CCDC69: variants seen among roughly 807,000 people sequenced by gnomAD.
CCDC69 encodes coiled-coil domain containing 69.
Under a neutral mutation model 40.3 loss-of-function variants are expected in CCDC69, and 38 were observed. The observed-to-expected ratio is 0.94, with a 90% CI of 0.73 to 1.24. The LOEUF is 1.24. CCDC69 is among the 50% of genes most tolerant of loss of function. CCDC69 has a pLI of 0.00. For missense variants in CCDC69, 389 were observed against 357.9 expected, an observed-to-expected ratio of 1.09 and a Z score of -0.70; for synonymous variants, 141 against 138.9, an observed-to-expected ratio of 1.02 and a Z score of -0.11.
chr5:151,223,960 C>T lies in CCDC69; in HGVS notation c.11G>A (p.Arg4Lys). Reference sequence around the variant, plus strand: ...TTTGCAGCTGCTCAGCCTGCTGTGTCTGCAGCCCATCCTCCTCCGGGGGCT... The same window carrying T: ...TTTGCAGCTGCTCAGCCTGCTGTGTTTGCAGCCCATCCTCCTCCGGGGGCT... MGC[R>K]HSRLSSCKPP... Residue 4 changes from arginine to lysine, a missense_variant, in exon 1 of 9, where the codon AGA becomes AAA. Physicochemically the swap from Arg to Lys is conservative, Grantham distance 26. Coordinates refer to ENST00000355417, the MANE Select transcript of CCDC69 (RefSeq NM_015621.3). 6.4e-7 allele frequency: 1 copy of T among 1,568,700 alleles called. No individual in the cohort carries two copies. The highest frequency in any genetic ancestry group is 8.6e-7 in the Non-Finnish European group (1 of 1,162,278).
At chr5:151,223,127 A>G (rs1472999644) in intron 1 of CCDC69, among the ~76,000 whole-genome samples, 1 of 152,138 alleles carries the variant, frequency 6.6e-6, no homozygotes, top group Non-Finnish European at 1.5e-5. Flanking sequence ...TGAGGAGGCT[A>G]TCTTTCTAGC....
At position 151,181,384 on chromosome 5, in the gene CCDC69, T is replaced by C. The variant is rs1766627354; in HGVS notation, c.*2053A>G. 6.6e-6 allele frequency: 1 copy of C among 152,048 alleles called. No homozygotes were observed. The highest frequency in any genetic ancestry group is 1.5e-5 in the Non-Finnish European group (1 of 68,036). The allele number at this position is 152,048 out of a possible 1,614,324, so 9.4% of individuals were successfully genotyped here. ...GGCGCCCACCACCACGCCAAGCTAA[T>C]TTTTTGTATTTTTTTAGTAGAGACA... On this transcript the variant is annotated 3_prime_UTR_variant, in exon 9 of 9. Coordinates refer to ENST00000355417, the MANE Select transcript of CCDC69 (RefSeq NM_015621.3).
At chr5:151,206,137 AT>A (rs1266589421) in intron 1 of CCDC69, among the ~76,000 whole-genome samples, 2 of 152,164 alleles carry the variant, frequency 1.3e-5, no homozygotes, top group African/African-American at 2.4e-5. Flanking sequence ...GGTTTGATTA[AT>A]TTGCTGGAGT....
chr5:151,198,756 G>C (rs1389026667), intron 4 of CCDC69: 8 of 413,294 alleles, frequency 1.9e-5, no homozygotes, highest in Non-Finnish European at 3.4e-5. Context: ...TTTTTAAATG[G>C]AAAGAAAAAA....
chr5:151,187,339 TC>T lies in CCDC69; in HGVS notation c.393+46del, dbSNP rs1752538108. Reference sequence around the variant, plus strand: ...GGGCTCCATGCTGCTTTCCCATTGGTCCTCACTTACCCTTATCCAAGACTGA... The same window carrying T: ...GGGCTCCATGCTGCTTTCCCATTGGTCTCACTTACCCTTATCCAAGACTGA... On this transcript the variant is annotated intron_variant, in intron 5 of 8. Coordinates refer to ENST00000355417, the MANE Select transcript of CCDC69 (RefSeq NM_015621.3). The T allele has an allele frequency of 5.8e-6, 9 of 1,553,880 alleles. No individual in the cohort carries two copies. In the East Asian group the frequency reaches 2.0e-4, roughly 35 times the overall value.
chr5:151,218,002 T>C (rs745440771), intron 1 of CCDC69, among the ~76,000 whole-genome samples: 5 of 151,950 alleles, frequency 3.3e-5, no homozygotes, highest in African/African-American at 7.3e-5. Context: ...AAAAACTCCA[T>C]TGCAGAGAGG....
chr5:151,224,029 C>A lies in CCDC69; in HGVS notation c.-59G>T. 9 of 1,440,982 alleles carry A rather than the reference C, an allele frequency of 6.2e-6. No individual in the cohort carries two copies. Among genetic ancestry groups the A allele is most frequent in the African/African-American group, 1.5e-5 (1 of 66,506 alleles). 89.3% of individuals were successfully genotyped at this position (1,440,982 alleles called of 1,614,324 possible). A position where few individuals can be genotyped will look rare whatever the true frequency, so the allele number is the denominator to read the frequency against. ...ACTCCGGGGCCCCCAGAGGAGCCTGCGATCCGGGCCCCGCTGCCCGCTCCG... is the reference window on the plus strand; with the variant it reads ...ACTCCGGGGCCCCCAGAGGAGCCTGAGATCCGGGCCCCGCTGCCCGCTCCG... On this transcript the variant is annotated 5_prime_UTR_variant, in exon 1 of 9. Transcript: ENST00000355417.
rs1766651185 is a variant in CCDC69 at position 151,182,248 on chromosome 5, A to AT, written c.*1188dup. On this transcript the variant is annotated 3_prime_UTR_variant, in exon 9 of 9. Coordinates refer to ENST00000355417, the MANE Select transcript of CCDC69 (RefSeq NM_015621.3). ...TCTATGCAGAACAGGAGTTATAATT[A>AT]TAGTCTCCATTAGACATGAAGCTTC... The AT allele has an allele frequency of 6.6e-6, 1 of 152,222 alleles. No individual in the cohort carries two copies. Among genetic ancestry groups the AT allele is most frequent in the Non-Finnish European group, 1.5e-5 (1 of 68,058 alleles). 9.4% of individuals were successfully genotyped at this position (152,222 alleles called of 1,614,324 possible).
chr5:151,187,321 A>C (rs1328276200), intron 5 of CCDC69, 65 bp downstream of exon 5: 1 of 1,470,786 alleles, frequency 6.8e-7, no homozygotes, highest in African/African-American at 1.4e-5. Context: ...TTGGGGCTCC[A>C]TGCTGCTTTC....
chr5:151,196,513 G>A (rs1205175389), intron 4 of CCDC69, among the ~76,000 whole-genome samples: 1 of 152,088 alleles, frequency 6.6e-6, no homozygotes, highest in Non-Finnish European at 1.5e-5. Flanking sequence ...GAATACTCAT[G>A]ATGAAAGGAA....
chr5:151,184,285 G>A, intron 8 of CCDC69, 59 bp downstream of exon 8: 1 of 1,307,090 alleles, frequency 7.7e-7, no homozygotes, highest in Non-Finnish European at 1.1e-6. Context: ...GACTCTCCCA[G>A]CTGGGAATTT....
At position 151,181,309 on chromosome 5, in the gene CCDC69, TG is replaced by T. The variant is rs999873406; in HGVS notation, c.*2127del. ...TTGGCTCACTGCAAGCTCCGCCTCC[TG>T]GGTTCACACCATTCTCCAGCCTCAG... On this transcript the variant is annotated 3_prime_UTR_variant, in exon 9 of 9. Coordinates refer to ENST00000355417, the MANE Select transcript of CCDC69 (RefSeq NM_015621.3). The T allele has an allele frequency of 1.5e-4, 23 of 152,330 alleles. No individual in the cohort carries two copies. The highest frequency in any genetic ancestry group is 5.5e-4 in the African/African-American group (23 of 41,562). 9.4% of individuals were successfully genotyped at this position (152,330 alleles called of 1,614,324 possible).
chr5:151,212,959 A>G, intron 1 of CCDC69: 1 of 450,580 alleles, frequency 2.2e-6, no homozygotes, highest in Non-Finnish European at 4.5e-6. Context: ...AGCATGCAAG[A>G]AGAGGTTGGA....
chr5:151,208,460 A>G (rs1461660474), intron 1 of CCDC69, among the ~76,000 whole-genome samples: 2 of 152,242 alleles, frequency 1.3e-5, no homozygotes, highest in Admixed American at 6.5e-5. Flanking sequence ...TGGCATGTGT[A>G]AGCCCCTGGA....
chr5:151,219,555 C>T (rs950704496), intron 1 of CCDC69, among the ~76,000 whole-genome samples: 1 of 152,110 alleles, frequency 6.6e-6, no homozygotes, highest in African/African-American at 2.4e-5. Flanking sequence ...CCATGGACTA[C>T]TTAACATGGG....
rs1324116358 is a variant in CCDC69 at position 151,205,398 on chromosome 5, A to T, written c.124+2T>A. On this transcript the variant is annotated splice_donor_variant, in intron 2 of 8. Coordinates refer to ENST00000355417, the MANE Select transcript of CCDC69 (RefSeq NM_015621.3). LOFTEE classifies it high-confidence loss of function. ...GGGGCCTTTGTGGGGCTGGCTACTC[A>T]CCTGTGTCCCCATTGAGGGGACCTA... 5 of 1,613,274 alleles carry T rather than the reference A, an allele frequency of 3.1e-6. No homozygotes were observed. The highest frequency in any genetic ancestry group is 4.2e-6 in the Non-Finnish European group (5 of 1,179,406).
intron 4 of CCDC69, among the ~76,000 whole-genome samples, chr5:151,194,909 A>G (rs1422192822): frequency 6.6e-6 from 1 of 151,432 alleles, no homozygotes; most frequent in Non-Finnish European, 1.5e-5. Flanking sequence ...AAAAAAAAAA[A>G]AAGAATCTAT....
intron 1 of CCDC69, among the ~76,000 whole-genome samples, chr5:151,216,466 G>C (rs1753043781): frequency 6.8e-6 from 1 of 147,116 alleles, no homozygotes; most frequent in South Asian, 2.2e-4. Flanking sequence ...AGAGCGAGTG[G>C]TGTGCAGTGG....
chr5:151,220,168 G>T (rs1413547112), intron 1 of CCDC69, among the ~76,000 whole-genome samples: 4 of 152,126 alleles, frequency 2.6e-5, no homozygotes, highest in Admixed American at 2.6e-4. Flanking sequence ...CTTTCCTTGG[G>T]TACAATCTAG....
Sources: gnomAD v4.1 joint callset for allele counts (sites outside exome capture counted in the v4.1 genomes callset) on GRCh38, gnomAD v4.1.1 for gene constraint, MANE v1.5 for transcripts, NCBI Gene and HGNC (gene_info 2026-07-23, HGNC 2026-07-21) for gene names.